TFRC: variants seen among roughly 807,000 people sequenced by gnomAD.
TFRC encodes transferrin receptor, also known as transferrin receptor protein 1.
TFRC carries 35 observed loss-of-function variants against 85.8 expected under a neutral mutation model. The ratio of observed to expected loss-of-function variants is 0.41; its 90% CI spans 0.31 to 0.54. The LOEUF (loss-of-function observed/expected upper bound fraction) is 0.54, where lower values mean the gene tolerates loss of function less well. TFRC is among the 20% of genes least tolerant of loss of function. TFRC has a pLI of 0.31. For missense variants in TFRC, 828 were observed against 921.5 expected (o/e 0.90, Z 1.31); for synonymous variants, 362 against 328.6 (o/e 1.10, Z -1.10).
At position 196,075,379 on chromosome 3, in the gene TFRC, C is replaced by T. The variant is rs1012329086; in HGVS notation, c.37-19G>A. The T allele has an allele frequency of 1.2e-6, 2 of 1,613,414 alleles. No homozygotes were observed. The highest frequency in any genetic ancestry group is 1.7e-6 in the Non-Finnish European group (2 of 1,179,422). On this transcript the variant is annotated intron_variant, in intron 2 of 18. Coordinates refer to ENST00000360110, the MANE Select transcript of TFRC (RefSeq NM_001128148.3). ...CACCAAACTGTGTTGCGGAAAAAGGCATGATGAAGAACAGGCACGGGAATG... is the reference window on the plus strand; with the variant it reads ...CACCAAACTGTGTTGCGGAAAAAGGTATGATGAAGAACAGGCACGGGAATG...
chr3:196,072,267 A>C, intron 4 of TFRC, 115 bp from the exon 5 acceptor site: 1 of 1,360,970 alleles, frequency 7.3e-7, no homozygotes, highest in South Asian at 1.3e-5. Flanking sequence ...AGTTCAGATA[A>C]ATGAACTGTG....
intron 7 of TFRC, among the ~76,000 whole-genome samples, chr3:196,068,947 A>G (rs1717964820): frequency 6.7e-6 from 1 of 148,576 alleles, no homozygotes; most frequent in Non-Finnish European, 1.5e-5. Context: ...AAAAAAAAAG[A>G]AAAGAAAAAT....
intron 2 of TFRC, among the ~76,000 whole-genome samples, chr3:196,076,156 A>G (rs571349580): frequency 6.6e-6 from 1 of 152,112 alleles, no homozygotes; most frequent in African/African-American, 2.4e-5. Flanking sequence ...AAAATAAAAT[A>G]AAAATAAATA....
At chr3:196,052,723 G>T (rs1310269429) in intron 18 of TFRC, among the ~76,000 whole-genome samples, 1 of 152,116 alleles carries the variant, frequency 6.6e-6, no homozygotes, top group African/African-American at 2.4e-5. Flanking sequence ...TTACAGGCAT[G>T]AGCCACTGTA....
intron 16 of TFRC, 89 bp from the exon 17 acceptor site, chr3:196,055,390 G>A (rs1017096074): frequency 2.2e-5 from 24 of 1,066,698 alleles, no homozygotes; most frequent in Non-Finnish European, 3.3e-5. Context: ...TAACAGTGAC[G>A]ACAGTTCCAC....
chr3:196,051,784 T>C lies in TFRC; in HGVS notation c.*158A>G. ...CTTGAAGTACAGGTTATCTACCCTG[T>C]ATTAAAAGCTGCTGCCTAAAGACAT... On this transcript the variant is annotated 3_prime_UTR_variant, in exon 19 of 19. Coordinates refer to ENST00000360110, the MANE Select transcript of TFRC (RefSeq NM_001128148.3). 1.3e-6 allele frequency: 1 copy of C among 765,836 alleles called. No homozygotes were observed. Among genetic ancestry groups the C allele is most frequent in the South Asian group, 1.9e-5 (1 of 53,892 alleles). The allele number at this position is 765,836 out of a possible 1,614,324, so 47.4% of individuals were successfully genotyped here. A position where few individuals can be genotyped will look rare whatever the true frequency, so the allele number is the denominator to read the frequency against.
intron 16 of TFRC, 94 bp downstream of exon 16, chr3:196,058,190 A>G: frequency 1.0e-6 from 1 of 963,358 alleles, no homozygotes; most frequent in Non-Finnish European, 1.6e-6. Context: ...TGACTATAGC[A>G]CAGGCATTCC....
chr3:196,068,066 G>T lies in TFRC; in HGVS notation c.866C>A (p.Pro289His), dbSNP rs1717880416. ...GAATGAAAGTTCTGCGTTAACAATG[G>T]GAAATTTAGTCTGGTCCATGTATAT... is the stretch of plus-strand genomic sequence containing the variant. ...VLIYMDQTKF[P>H]IVNAELSFFG... The change falls in exon 8 of 19, where the codon CCC becomes CAC. Residue 289 changes from proline to histidine, a missense_variant. Coordinates refer to ENST00000360110, the MANE Select transcript of TFRC (RefSeq NM_001128148.3). The T allele has an allele frequency of 6.2e-7, 1 of 1,612,772 alleles. No individual in the cohort carries two copies. Among genetic ancestry groups the T allele is most frequent in the African/African-American group, 1.3e-5 (1 of 74,850 alleles).
intron 1 of TFRC, among the ~76,000 whole-genome samples, chr3:196,078,591 A>G (rs1236245376): frequency 1.3e-5 from 2 of 151,638 alleles, no homozygotes; most frequent in African/African-American, 4.8e-5. Flanking sequence ...CGGGAGGTGG[A>G]GGTTGCAGTG....
In TFRC at chr3:196,055,864, GTCTC is replaced by G. The variant is rs551443980; in HGVS notation, c.1678-567_1678-564del. Among the ~76,000 whole-genome samples the G allele has an allele frequency of 3.9e-3, 567 of 144,092 alleles. 2 individuals are homozygous for G. Among genetic ancestry groups the G allele is most frequent in the African/African-American group, 0.014 (534 of 38,334 alleles). 94.5% of individuals were successfully genotyped at this position (144,092 alleles called of 152,430 possible). ...TGACTCCCTGCAGCCTTGAGACGAG[GTCTC>G]TCTCTGTCACCCAGGCTGGAGTGCA... On this transcript the variant is annotated intron_variant, in intron 16 of 18. Transcript: ENST00000360110.
At chr3:196,060,797 C>CA (rs1173946134) in intron 13 of TFRC, among the ~76,000 whole-genome samples, 1,299 of 36,920 alleles carry the variant, frequency 0.035, 345 homozygotes, top group Non-Finnish European at 0.042. Context: ...GACTCCATCT[C>CA]AAAAAAAAAA....
At position 196,068,142 on chromosome 3, in the gene TFRC, C is replaced by A. The variant is rs41295845; in HGVS notation, c.802-12G>T. 1,348 of 1,594,118 alleles carry A rather than the reference C, an allele frequency of 8.5e-4. 9 individuals carry two copies. The African/African-American group carries it at 0.015, about 17-fold the overall frequency. ...TCAGCATTTGCAACCTAAAAGAAAA[C>A]ATATAAAGCTCAGAAAATGAAGATC... On this transcript the variant is annotated splice_polypyrimidine_tract_variant and intron_variant, in intron 7 of 18. Coordinates refer to ENST00000360110, the MANE Select transcript of TFRC (RefSeq NM_001128148.3).
In TFRC at chr3:196,051,807, C is replaced by T. The variant is rs1716331076; in HGVS notation, c.*135G>A. Reference sequence around the variant, plus strand: ...TGTATTAAAAGCTGCTGCCTAAAGACATCTAGTAGTACCAAGATGATGGGA... The same window carrying T: ...TGTATTAAAAGCTGCTGCCTAAAGATATCTAGTAGTACCAAGATGATGGGA... On this transcript the variant is annotated 3_prime_UTR_variant, in exon 19 of 19. Coordinates refer to ENST00000360110, the MANE Select transcript of TFRC (RefSeq NM_001128148.3). 2.9e-6 allele frequency: 3 copies of T among 1,044,500 alleles called. No individual in the cohort carries two copies. Among genetic ancestry groups the T allele is most frequent in the Non-Finnish European group, 4.2e-6 (3 of 718,350 alleles). The allele number at this position is 1,044,500 out of a possible 1,614,324, so 64.7% of individuals were successfully genotyped here.
At chr3:196,055,590 G>A (rs1254787385) in intron 16 of TFRC, 1 of 443,052 alleles carries the variant, frequency 2.3e-6, no homozygotes, top group Non-Finnish European at 4.1e-6. Flanking sequence ...ATTCCTTAAG[G>A]CTGTATGTTT....
chr3:196,074,362 C>T (rs1240919405), intron 3 of TFRC: 2 of 342,872 alleles, frequency 5.8e-6, no homozygotes, highest in Non-Finnish European at 1.0e-5. Context: ...CCAAAAGACC[C>T]CCTTGAAACA....
At position 196,075,302 on chromosome 3, in the gene TFRC, T is replaced by A; in HGVS notation, c.95A>T (p.Asp32Val). The change falls in exon 3 of 19, where the codon GAT (aspartate) becomes GTT (valine). Residue 32 changes from aspartate (D) to valine (V), a missense_variant. Asp to Val is a radical substitution (Grantham distance 152). Coordinates refer to ENST00000360110, the MANE Select transcript of TFRC (RefSeq NM_001128148.3). The part of the protein sequence containing the change: ...RFSLARQVDG[D>V]NSHVEMKLAV... Reference sequence around the variant, plus strand: ...AAGTTTCATCTCCACATGACTGTTATCGCCATCTACTTGCCGAGCCAGGCT... The same window carrying A: ...AAGTTTCATCTCCACATGACTGTTAACGCCATCTACTTGCCGAGCCAGGCT... The A allele has an allele frequency of 2.5e-6, 4 of 1,614,192 alleles. No homozygotes were observed. Among genetic ancestry groups the A allele is most frequent in the Non-Finnish European group, 3.4e-6 (4 of 1,180,034 alleles).
rs753413244 is a variant in TFRC at position 196,068,072 on chromosome 3, T to G, written c.860A>C (p.Lys287Thr). The G allele has an allele frequency of 2.5e-6, 4 of 1,613,314 alleles. No individual in the cohort carries two copies. The highest frequency in any genetic ancestry group is 3.4e-6 in the Non-Finnish European group (4 of 1,179,798). The change falls in exon 8 of 19, where the codon AAA becomes ACA. Residue 287 changes from lysine (K) to threonine (T), a missense_variant. Coordinates refer to ENST00000360110, the MANE Select transcript of TFRC (RefSeq NM_001128148.3). ...IGVLIYMDQT[K>T]FPIVNAELSF... Reference sequence around the variant, plus strand: ...AAGTTCTGCGTTAACAATGGGAAATTTAGTCTGGTCCATGTATATCAACAC... The same window carrying G: ...AAGTTCTGCGTTAACAATGGGAAATGTAGTCTGGTCCATGTATATCAACAC...
chr3:196,065,421 G>GGT, intron 10 of TFRC, 22 bp downstream of exon 10: 7 of 219,752 alleles, frequency 3.2e-5, no homozygotes, highest in Non-Finnish European at 4.4e-5. Flanking sequence ...GCGGGGCGGG[G>GGT]GGGGGGGGGG....
chr3:196,050,177 A>T lies in TFRC; in HGVS notation c.*1765T>A, dbSNP rs1033419111. On this transcript the variant is annotated 3_prime_UTR_variant, in exon 19 of 19. Transcript: ENST00000360110. ...TAAGTTTATAGGAGGTAACATGCAAATAATGTGATAAAGTTAAAATGACTT... is the reference window on the plus strand; with the variant it reads ...TAAGTTTATAGGAGGTAACATGCAATTAATGTGATAAAGTTAAAATGACTT... The T allele has an allele frequency of 3.1e-4, 70 of 227,920 alleles. No individual in the cohort carries two copies. The highest frequency in any genetic ancestry group is 1.5e-3 in the African/African-American group (66 of 45,064). The allele number at this position is 227,920 out of a possible 1,614,324, so 14.1% of individuals were successfully genotyped here.
Sources: gnomAD v4.1 joint callset for allele counts (sites outside exome capture counted in the v4.1 genomes callset) on GRCh38, gnomAD v4.1.1 for gene constraint, MANE v1.5 for transcripts, NCBI Gene and HGNC (gene_info 2026-07-23, HGNC 2026-07-21) for gene names.